Variants in ALS2CL observed in about 807,000 individuals in gnomAD.
ALS2CL encodes the protein ALS2 C-terminal like.
A neutral mutation model predicts 127.9 loss-of-function variants in ALS2CL; 112 were observed. The ratio of observed to expected loss-of-function variants is 0.88; its 90% CI spans 0.75 to 1.02. The LOEUF is 1.02. Ranked by LOEUF, ALS2CL falls within the 50% of genes least tolerant of loss-of-function variation. The pLI, the probability that ALS2CL is intolerant of heterozygous loss-of-function variation, is 0.00. For missense variants in ALS2CL, 1,174 were observed against 1,236.7 expected (o/e 0.95, Z 0.76); for synonymous variants, 519 against 527.6 (o/e 0.98, Z 0.22).
intron 17 of ALS2CL, 45 bp downstream of exon 17, chr3:46,676,803 TC>T: frequency 8.3e-7 from 1 of 1,204,132 alleles, no homozygotes; most frequent in Non-Finnish European, 1.2e-6. Context: ...CAGGAAGCCC[TC>T]CCCAGCCCAC....
intron 21 of ALS2CL, 61 bp downstream of exon 21, chr3:46,674,505 A>G: frequency 6.4e-7 from 1 of 1,564,542 alleles, no homozygotes; most frequent in Non-Finnish European, 8.7e-7. Context: ...CTTTTGGCTG[A>G]AGACAGTCTG....
Position 46,674,733 on chromosome 3 carries a change from G to A in ALS2CL, c.2262C>T (p.Leu754=), listed in dbSNP as rs1206822926. The change falls in exon 21 of 26, where the codon CTC becomes CTT. Residue 754 remains leucine, a synonymous_variant. Transcript: ENST00000318962. ...GGGGCAGCACCAATCCATGCACCTGGAGGTCCCTGATGGGGAGACCGGAAC... is the reference window on the plus strand; with the variant it reads ...GGGGCAGCACCAATCCATGCACCTGAAGGTCCCTGATGGGGAGACCGGAAC... ...EEDEDTETRD[L]QVHGLVLPLM... 6.2e-7 allele frequency: 1 copy of A among 1,609,894 alleles called. No homozygotes were observed. Among genetic ancestry groups the A allele is most frequent in the Non-Finnish European group, 8.5e-7 (1 of 1,178,060 alleles).
In ALS2CL at chr3:46,676,661, A is replaced by G. The variant is rs934913011; in HGVS notation, c.2009T>C (p.Leu670Pro). 3.1e-6 allele frequency: 5 copies of G among 1,613,490 alleles called. No individual in the cohort carries two copies. Among genetic ancestry groups the G allele is most frequent in the Non-Finnish European group, 4.2e-6 (5 of 1,179,914 alleles). ...TCTCACCTTCCTGAGGTACAGCTGC[A>G]GGGCCTTGGGCTCCCGGTGCTGCAG... is the stretch of plus-strand genomic sequence containing the variant. Reference protein sequence around the residue: ...ELLQHREPKALQLYLRKALSN... With the variant: ...ELLQHREPKAPQLYLRKALSN... The change falls in exon 18 of 26, where the codon CTG becomes CCG. Residue 670 changes from leucine (L) to proline (P), a missense_variant. Leu to Pro is a moderately conservative substitution (Grantham distance 98). Transcript: ENST00000318962.
At chr3:46,689,256 A>G in intron 2 of ALS2CL, 82 bp downstream of exon 2, 1 of 1,409,722 alleles carries the variant, frequency 7.1e-7, no homozygotes, top group Non-Finnish European at 9.9e-7. Context: ...GCTGTGGCTC[A>G]GCAAGTCCAA....
In ALS2CL at chr3:46,674,546, CG is replaced by C; in HGVS notation, c.2429+19del. ...AGTTTGAGTCCTGGCTAACACGGCACGGGGGAAGGGAAGGCTTACTTCTGCA... is the reference window on the plus strand; with the variant it reads ...AGTTTGAGTCCTGGCTAACACGGCACGGGGAAGGGAAGGCTTACTTCTGCA... On this transcript the variant is annotated intron_variant, in intron 21 of 25. Transcript: ENST00000318962. 6.2e-7 allele frequency: 1 copy of C among 1,602,320 alleles called. No individual in the cohort carries two copies. Among genetic ancestry groups the C allele is most frequent in the Non-Finnish European group, 8.5e-7 (1 of 1,174,138 alleles).
Position 46,681,979 on chromosome 3 carries a change from A to T in ALS2CL, c.1175+50T>A. On this transcript the variant is annotated intron_variant, in intron 11 of 25. Coordinates refer to ENST00000318962, the MANE Select transcript of ALS2CL (RefSeq NM_147129.5). This position sits in a 1 kb window ranked among gnomAD's most constrained non-coding sequence, Gnocchi z 4.9. ...GGTGACCACAGCAGGGGAGGAAAGC[A>T]CCCTTCAGCCCACTGCACGCCTCCC... 1 of 1,595,686 alleles carries T rather than the reference A, an allele frequency of 6.3e-7. No individual in the cohort carries two copies. Among genetic ancestry groups the T allele is most frequent in the Middle Eastern group, 1.7e-4 (1 of 6,030 alleles).
At chr3:46,693,257 G>A (rs1385791410) in intron 1 of ALS2CL, among the ~76,000 whole-genome samples, 1 of 152,248 alleles carries the variant, frequency 6.6e-6, no homozygotes, top group Non-Finnish European at 1.5e-5. Flanking sequence ...TCCTGTTCCG[G>A]CCGCCAGGCA....
In ALS2CL at chr3:46,687,640, T is replaced by C. The variant is rs1699888417; in HGVS notation, c.347A>G (p.Gln116Arg). The part of the protein sequence containing the change: ...YTSCMVVQAF[Q>R]KAAKRRSEYW... ...TCACCTTCTCCTCTTTGCTGCCTTC[T>C]GGAAGGCCTGCACCACCATGCAGCT... The change falls in exon 4 of 26, where the codon CAG (glutamine) becomes CGG (arginine). Residue 116 changes from glutamine to arginine, a missense_variant. Physicochemically the swap from Gln to Arg is conservative, Grantham distance 43 (BLOSUM62 1). Transcript: ENST00000318962. 1 of 1,613,338 alleles carries C rather than the reference T, an allele frequency of 6.2e-7. No homozygotes were observed. Among genetic ancestry groups the C allele is most frequent in the East Asian group, 2.2e-5 (1 of 44,868 alleles).
chr3:46,683,931 A>C, intron 8 of ALS2CL, 58 bp downstream of exon 8: 1 of 1,613,290 alleles, frequency 6.2e-7, no homozygotes. Flanking sequence ...GGGTGTGGGC[A>C]GGTGTCATGG....
intron 20 of ALS2CL, 24 bp from the exon 21 acceptor site, chr3:46,674,763 T>C (rs1698677327): frequency 6.4e-7 from 1 of 1,574,140 alleles, no homozygotes; most frequent in South Asian, 1.2e-5. Flanking sequence ...CGGAACAGGT[T>C]GGGATGAGCA....
chr3:46,686,002 G>C lies in ALS2CL; in HGVS notation c.666+306C>G, dbSNP rs764770713. The stretch of plus-strand genomic sequence containing the variant: ...GGCACAGGGGACTCTCCTCCCTGCA[G>C]GGGCAGTCCATGCCATGGTGGGCAG... On this transcript the variant is annotated intron_variant, in intron 6 of 25. Transcript: ENST00000318962. The surrounding 1 kb of genome is among the most constrained non-coding windows in gnomAD (Gnocchi z 4.3). 1.3e-5 allele frequency among the ~76,000 whole-genome samples: 2 copies of C among 152,204 alleles called. No individual in the cohort carries two copies. Among genetic ancestry groups the C allele is most frequent in the Non-Finnish European group, 2.9e-5 (2 of 68,040 alleles).
At position 46,669,156 on chromosome 3, in the gene ALS2CL, G is replaced by C. The variant is rs1485082894; in HGVS notation, c.*1828C>G. The C allele has an allele frequency of 6.6e-6, 1 of 151,956 alleles. No homozygotes were observed. The highest frequency in any genetic ancestry group is 2.1e-4 in the South Asian group (1 of 4,822). The allele number at this position is 151,956 out of a possible 1,614,324, so 9.4% of individuals were successfully genotyped here. On this transcript the variant is annotated 3_prime_UTR_variant, in exon 26 of 26. Coordinates refer to ENST00000318962, the MANE Select transcript of ALS2CL (RefSeq NM_147129.5). ...AGGGATCTTCCCACCTCAGCCTCCC[G>C]AGTAGCTGGGACCACAGGCACACAC...
chr3:46,676,523 G>A (rs1698836125), intron 18 of ALS2CL, 119 bp downstream of exon 18: 1 of 1,540,920 alleles, frequency 6.5e-7, no homozygotes, highest in South Asian at 1.2e-5. Context: ...GTCCTCTGAG[G>A]ACAAGGGATC....
rs1559455501 is a variant in ALS2CL, at chr3:46,672,177, A to G, written c.2497T>C (p.Cys833Arg). Residue 833 changes from cysteine to arginine, a missense_variant, in exon 23 of 26, where the codon TGT becomes CGT. Physicochemically the swap from Cys to Arg is radical, Grantham distance 180. Transcript: ENST00000318962. ...AGGCACTCGGTGGCTGACAGGAAAC[A>G]CTTGTCCCTGACCAGGGAGTACCTC... ...NQRYSLVRDK[C>R]FLSATECLQK... The G allele has an allele frequency of 1.2e-6, 2 of 1,613,846 alleles. No homozygotes were observed. Among genetic ancestry groups the G allele is most frequent in the East Asian group, 4.5e-5 (2 of 44,828 alleles).
intron 1 of ALS2CL, chr3:46,693,400 C>G (rs1200612998): frequency 6.6e-6 from 1 of 152,336 alleles, no homozygotes; most frequent in Non-Finnish European, 1.5e-5. Context: ...CCTGCCACCA[C>G]GGCTCAGGTC....
chr3:46,681,377 G>T lies in ALS2CL; in HGVS notation c.1305C>A (p.Tyr435Ter). ...EYSTDEVYKG[Y>*]FQEGLRHGFG... ...ATCCGTGCCGCAGGCCCTCCTGGAAGTAGCCCTTGTACACCTCGTCGGTGC... is the reference window on the plus strand; with the variant it reads ...ATCCGTGCCGCAGGCCCTCCTGGAATTAGCCCTTGTACACCTCGTCGGTGC... Residue 435 changes from tyrosine (Y) to a stop codon, truncating the protein, a stop_gained, in exon 13 of 26, where the codon TAC becomes TAA. Coordinates refer to ENST00000318962, the MANE Select transcript of ALS2CL (RefSeq NM_147129.5). LOFTEE classifies it high-confidence loss of function. The surrounding 1 kb of genome is among the most constrained non-coding windows in gnomAD (Gnocchi z 4.9). 6.2e-7 allele frequency: 1 copy of T among 1,608,096 alleles called. No individual in the cohort carries two copies. Among genetic ancestry groups the T allele is most frequent in the African/African-American group, 1.3e-5 (1 of 74,908 alleles).
intron 20 of ALS2CL, chr3:46,675,298 G>A (rs958796637): frequency 4.9e-5 from 16 of 323,722 alleles, no homozygotes; most frequent in South Asian, 1.1e-4. Flanking sequence ...ACCAGCCCTC[G>A]GTTTCCCCAT....
At chr3:46,679,491 C>T in intron 14 of ALS2CL, 1 of 388,552 alleles carries the variant, frequency 2.6e-6, no homozygotes, top group Non-Finnish European at 4.6e-6. Context: ...GGACCCCATC[C>T]CTGGATTTCC....
intron 14 of ALS2CL, chr3:46,679,538 C>T (rs9855064): frequency 0.38 from 107,387 of 281,122 alleles, 21,907 homozygotes; most frequent in Non-Finnish European, 0.43. Context: ...CTCACCCCAG[C>T]GGCTTCTTCA....
Sources: gnomAD v4.1 joint callset for allele counts (sites outside exome capture counted in the v4.1 genomes callset) on GRCh38, gnomAD v4.1.1 for gene constraint, Gnocchi (gnomAD v3.1) non-coding constraint, MANE v1.5 for transcripts, NCBI Gene and HGNC (gene_info 2026-07-23, HGNC 2026-07-21) for gene names.